The following KIAA1671 variants were observed in gnomAD, a reference collection of about 807,000 sequenced individuals.
KIAA1671 encodes the protein KIAA1671.
In KIAA1671, 52 loss-of-function variants were observed where a neutral mutation model predicts 131.2. The ratio of observed to expected loss-of-function variants is 0.40; its 90% CI spans 0.32 to 0.50. The LOEUF is 0.50. Ranked by LOEUF, KIAA1671 falls within the 20% of genes least tolerant of loss-of-function variation. KIAA1671 has a pLI of 0.73. For missense variants in KIAA1671, 2,360 were observed against 2,364.2 expected, an observed-to-expected ratio of 1.00 and a Z score of 0.04; for synonymous variants, 1,003 against 961.6, an observed-to-expected ratio of 1.04 and a Z score of -0.80.
chr22:25,007,676 T>C (rs372413320), intron 1 of KIAA1671, among the ~76,000 whole-genome samples: 2 of 151,994 alleles, frequency 1.3e-5, no homozygotes, highest in South Asian at 4.2e-4. Flanking sequence ...AACATACAAA[T>C]GTTATGTTCC....
intron 6 of KIAA1671, among the ~76,000 whole-genome samples, chr22:25,166,195 A>T (rs545528590): frequency 6.6e-6 from 1 of 152,282 alleles, no homozygotes; most frequent in African/African-American, 2.4e-5. Context: ...AGGACTGAGG[A>T]TCGATGCAGT....
Position 25,039,782 on chromosome 22 carries a change from C to G in KIAA1671, c.2652C>G (p.Leu884=). ...GARGPPQGCP[L]DPLSRATNGP... ...GGGGCCCACCCCAGGGATGCCCCCT[C>G]GATCCTCTTTCCAGGGCTACGAATG... is the stretch of plus-strand genomic sequence containing the variant. Residue 884 remains leucine (L), a synonymous_variant, in exon 5 of 13, where the codon CTC becomes CTG. Transcript: ENST00000358431. 4 of 1,505,000 alleles carry G rather than the reference C, an allele frequency of 2.7e-6. No individual in the cohort carries two copies. Among genetic ancestry groups the G allele is most frequent in the Non-Finnish European group, 3.6e-6 (4 of 1,121,832 alleles). 93.2% of individuals were successfully genotyped at this position (1,505,000 alleles called of 1,614,324 possible).
chr22:25,123,450 C>G (rs978268332), intron 6 of KIAA1671, among the ~76,000 whole-genome samples: 2 of 152,096 alleles, frequency 1.3e-5, no homozygotes, highest in Admixed American at 6.5e-5. Context: ...CCTTGGCCTC[C>G]CAAAGTGCTG....
rs907729850 is a variant in KIAA1671, at chr22:25,196,209, C to T, written c.*3808C>T. 2 of 152,124 alleles carry T rather than the reference C, an allele frequency of 1.3e-5. No homozygotes were observed. The highest frequency in any genetic ancestry group is 4.8e-5 in the African/African-American group (2 of 41,422). The allele number at this position is 152,124 out of a possible 1,614,324, so 9.4% of individuals were successfully genotyped here. On this transcript the variant is annotated 3_prime_UTR_variant, in exon 13 of 13. Coordinates refer to ENST00000358431, the MANE Select transcript of KIAA1671 (RefSeq NM_001145206.2). The stretch of plus-strand genomic sequence containing the variant: ...GCAGGGGGAAGGGCAGAAAGCTAGG[C>T]CCTCTGCTCTGGAAAGTCGGCCTGA...
intron 11 of KIAA1671, among the ~76,000 whole-genome samples, chr22:25,189,077 GTCGAAGTCCAAAAGGCT>G (rs1568999763): frequency 1.3e-5 from 2 of 151,244 alleles, no homozygotes; most frequent in African/African-American, 4.9e-5. Context: ...GTGAGGAAGT[GTCGAAGTCCAAAAGGCT>G]TCCCTCTTCT....
chr22:25,047,140 T>C (rs1016702896), intron 5 of KIAA1671, among the ~76,000 whole-genome samples: 3 of 131,334 alleles, frequency 2.3e-5, no homozygotes, highest in Non-Finnish European at 4.7e-5. Context: ...CTGGCTAATT[T>C]TTTTTCTTTT....
At chr22:25,093,725 ACACACACACACACTCTCTCT>A (rs1930149876) in intron 6 of KIAA1671, among the ~76,000 whole-genome samples, 7 of 69,698 alleles carry the variant, frequency 1.0e-4, no homozygotes, top group African/African-American at 8.7e-4. Context: ...ACACACACAC[ACACACACACACACTCTCTCT>A]CTCTCTCTCT....
chr22:25,170,155 C>A (rs188562579), intron 6 of KIAA1671, among the ~76,000 whole-genome samples: 2 of 152,082 alleles, frequency 1.3e-5, no homozygotes, highest in Non-Finnish European at 2.9e-5. Context: ...CCTCGTGATC[C>A]GCCCACCTCG....
chr22:25,023,917 C>T (rs1714435196), intron 1 of KIAA1671: 1 of 150,650 alleles, frequency 6.6e-6, no homozygotes, highest in Non-Finnish European at 1.5e-5. Flanking sequence ...TGCACTCCAG[C>T]CTGGGTGACA....
intron 9 of KIAA1671, chr22:25,179,456 T>C: frequency 6.2e-7 from 1 of 1,613,438 alleles, no homozygotes; most frequent in Non-Finnish European, 8.5e-7. Flanking sequence ...CTCCTCCGCC[T>C]GGCGGCTGAA....
chr22:25,020,338 G>A (rs1925594380), intron 1 of KIAA1671, among the ~76,000 whole-genome samples: 1 of 152,060 alleles, frequency 6.6e-6, no homozygotes, highest in South Asian at 2.1e-4. Context: ...TCTTGATGTG[G>A]GTCTCAAAAA....
chr22:25,189,112 A>T (rs944406588), intron 11 of KIAA1671, among the ~76,000 whole-genome samples: 3 of 142,640 alleles, frequency 2.1e-5, no homozygotes, highest in African/African-American at 5.2e-5. Flanking sequence ...TCTTCCTGGG[A>T]GGCCAGTCTT....
At chr22:25,187,787 C>A (rs7292448) in intron 11 of KIAA1671, among the ~76,000 whole-genome samples, 4 of 152,028 alleles carry the variant, frequency 2.6e-5, no homozygotes, top group Non-Finnish European at 5.9e-5. Context: ...CATGAGCTAC[C>A]GTGCCTGGCC....
intron 1 of KIAA1671, among the ~76,000 whole-genome samples, chr22:25,007,115 A>G (rs964016100): frequency 6.6e-6 from 1 of 152,146 alleles, no homozygotes; most frequent in Non-Finnish European, 1.5e-5. Flanking sequence ...CCTCAAGGAC[A>G]AGGATGTTCT....
At chr22:25,091,284 C>G (rs1198273376) in intron 6 of KIAA1671, among the ~76,000 whole-genome samples, 1 of 152,156 alleles carries the variant, frequency 6.6e-6, no homozygotes, top group Non-Finnish European at 1.5e-5. Context: ...TCTCGAACTC[C>G]TAACCTCAGG....
In KIAA1671 at chr22:24,952,965, C is replaced by T. The variant is rs1335941032; in HGVS notation, c.-208+193C>T. Among the ~76,000 whole-genome samples the T allele has an allele frequency of 3.3e-5, 5 of 152,316 alleles. No homozygotes were observed. The highest frequency in any genetic ancestry group is 7.4e-5 in the Non-Finnish European group (5 of 68,024). ...CGGAGGATTTCCCCAGACTCCGGGT[C>T]TGCAGGGAGGGAGGATCCCGGTTTG... On this transcript the variant is annotated intron_variant, in intron 1 of 12. Coordinates refer to ENST00000358431, the MANE Select transcript of KIAA1671 (RefSeq NM_001145206.2). The surrounding 1 kb of genome is among the most constrained non-coding windows in gnomAD (Gnocchi z 4.5).
intron 6 of KIAA1671, among the ~76,000 whole-genome samples, chr22:25,093,377 T>C (rs1384501075): frequency 6.6e-6 from 1 of 152,100 alleles, no homozygotes; most frequent in Non-Finnish European, 1.5e-5. Flanking sequence ...CATAAAATAA[T>C]GGATGGCAAC....
At chr22:25,153,830 C>A (rs1422044125) in intron 6 of KIAA1671, among the ~76,000 whole-genome samples, 1 of 152,174 alleles carries the variant, frequency 6.6e-6, no homozygotes, top group Admixed American at 6.5e-5. Context: ...AAGTGCAGTC[C>A]CTGCCCAAGG....
rs1258521817 is a variant in KIAA1671 at position 25,140,466 on chromosome 22, C to T, written c.4531-30354C>T. On this transcript the variant is annotated intron_variant, in intron 6 of 12. Transcript: ENST00000358431. ...TCTTGGCTCCCTGCAAGCTCCGCCT[C>T]CCAGGTTCATGCCATTCTCAAGGCA... 3.9e-5 allele frequency among the ~76,000 whole-genome samples: 6 copies of T among 152,150 alleles called. No homozygotes were observed. The South Asian group carries it at 8.3e-4, about 21-fold the overall frequency.
Sources: gnomAD v4.1 joint callset for allele counts (sites outside exome capture counted in the v4.1 genomes callset) on GRCh38, gnomAD v4.1.1 for gene constraint, Gnocchi (gnomAD v3.1) non-coding constraint, MANE v1.5 for transcripts, NCBI Gene and HGNC (gene_info 2026-07-23, HGNC 2026-07-21) for gene names.